Variants in NEDD4 observed in about 807,000 individuals in gnomAD.
NEDD4 encodes the protein NEDD4 E3 ubiquitin protein ligase.
A neutral mutation model predicts 144.9 loss-of-function variants in NEDD4; 99 were observed. That is an observed-to-expected ratio of 0.68 (90% CI 0.58 to 0.81). The LOEUF (loss-of-function observed/expected upper bound fraction) is 0.81. Ranked by LOEUF, NEDD4 falls within the 30% of genes least tolerant of loss-of-function variation. The pLI is 0.00. For synonymous variants in NEDD4, 318 were observed against 350.6 expected (o/e 0.91, Z 1.04); for missense variants, 985 against 1,065.9 (o/e 0.92, Z 1.06).
At position 55,838,590 on chromosome 15, in the gene NEDD4, G is replaced by T; in HGVS notation, c.2046C>A (p.Tyr682Ter). ...HDMESVDSEY[Y>*]NSLRWILEND... ...TTTCAAGAATCCATCTTAGGGAATT[G>T]TAATATTCACTATCCTAGATGGGAA... The change falls in exon 22 of 29, where the codon TAC (tyrosine) becomes TAA (stop). Residue 682 changes from tyrosine to a stop codon, truncating the protein, a stop_gained. Transcript: ENST00000435532. LOFTEE classifies it high-confidence loss of function. 1 of 1,607,630 alleles carries T rather than the reference G, an allele frequency of 6.2e-7. No homozygotes were observed. Among genetic ancestry groups the T allele is most frequent in the Non-Finnish European group, 8.5e-7 (1 of 1,174,918 alleles).
intron 5 of NEDD4, among the ~76,000 whole-genome samples, chr15:55,910,063 G>A (rs1247447007): frequency 6.6e-6 from 1 of 152,106 alleles, no homozygotes; most frequent in Non-Finnish European, 1.5e-5. Flanking sequence ...AAGAACGTAA[G>A]ACTGTAACCT....
At chr15:55,854,048 G>A (rs555103563) in intron 12 of NEDD4, among the ~76,000 whole-genome samples, 117 of 152,208 alleles carry the variant, frequency 7.7e-4, no homozygotes, top group African/African-American at 2.6e-3. Context: ...CTACTCGGGA[G>A]GCTGAAGCAG....
chr15:55,958,983 A>AT (rs373175029), intron 2 of NEDD4, among the ~76,000 whole-genome samples: 1 of 149,986 alleles, frequency 6.7e-6, no homozygotes, highest in Admixed American at 6.7e-5. Flanking sequence ...GATTACAATA[A>AT]TTTTTTTTCT....
At chr15:55,859,777 G>C (rs1177349647) in intron 11 of NEDD4, among the ~76,000 whole-genome samples, 1 of 152,128 alleles carries the variant, frequency 6.6e-6, no homozygotes, top group Non-Finnish European at 1.5e-5. Context: ...TCCAAGAGCT[G>C]GCCTGGCACT....
intron 4 of NEDD4, among the ~76,000 whole-genome samples, chr15:55,925,989 T>A (rs1190928534): frequency 1.3e-5 from 2 of 151,968 alleles, no homozygotes; most frequent in African/African-American, 4.8e-5. Context: ...CATATACATA[T>A]GTATCATATA....
chr15:55,925,942 T>C (rs1352540626), intron 4 of NEDD4, among the ~76,000 whole-genome samples: 2 of 152,028 alleles, frequency 1.3e-5, no homozygotes, highest in Non-Finnish European at 2.9e-5. Context: ...TTTTTACATA[T>C]ACATACTGTA....
chr15:55,963,128 CTTTTTTATT>C (rs1213992771), intron 2 of NEDD4, among the ~76,000 whole-genome samples: 1 of 142,656 alleles, frequency 7.0e-6, no homozygotes, highest in Non-Finnish European at 1.5e-5. Context: ...TTCTGGCACT[CTTTTTTATT>C]TTTTTTTTTT....
At chr15:55,955,499 C>T (rs8031446) in intron 2 of NEDD4, among the ~76,000 whole-genome samples, 2,962 of 152,222 alleles carry the variant, frequency 0.019, 111 homozygotes, top group African/African-American at 0.068. Context: ...AACACAGCAA[C>T]CAGCATTCCA....
intron 5 of NEDD4, among the ~76,000 whole-genome samples, chr15:55,893,227 A>G (rs951993521): frequency 6.6e-6 from 1 of 152,158 alleles, no homozygotes. Context: ...AATCATTGTT[A>G]ATAACAACTG....
At chr15:55,941,554 C>G (rs2037004750) in intron 4 of NEDD4, among the ~76,000 whole-genome samples, 2 of 151,602 alleles carry the variant, frequency 1.3e-5, no homozygotes, top group African/African-American at 4.9e-5. Context: ...AGAGAACATA[C>G]CCTGTTAAAT....
intron 4 of NEDD4, among the ~76,000 whole-genome samples, chr15:55,943,061 T>G (rs542395493): frequency 5.3e-5 from 8 of 152,178 alleles, no homozygotes; most frequent in Non-Finnish European, 8.8e-5. Flanking sequence ...AAAGAGATGA[T>G]TTACGGTATC....
intron 8 of NEDD4, among the ~76,000 whole-genome samples, chr15:55,864,549 C>G (rs1397111335): frequency 6.6e-6 from 1 of 151,546 alleles, no homozygotes; most frequent in Non-Finnish European, 1.5e-5. Context: ...GGTGTGGTGG[C>G]GCATGCCTGT....
intron 5 of NEDD4, among the ~76,000 whole-genome samples, chr15:55,893,098 GA>G (rs1175336285): frequency 6.6e-6 from 1 of 152,154 alleles, no homozygotes; most frequent in Non-Finnish European, 1.5e-5. Flanking sequence ...GGATGCTACA[GA>G]AGGAAATACT....
chr15:55,861,081 T>C (rs1289301204), intron 9 of NEDD4, among the ~76,000 whole-genome samples: 5 of 152,236 alleles, frequency 3.3e-5, no homozygotes, highest in Non-Finnish European at 7.3e-5. Flanking sequence ...ATTTGTTGAA[T>C]GAATAAATAT....
chr15:55,841,660 C>T (rs1055563630), intron 19 of NEDD4, among the ~76,000 whole-genome samples: 38 of 152,074 alleles, frequency 2.5e-4, no homozygotes, highest in African/African-American at 8.0e-4. Flanking sequence ...TCGGCTCCGC[C>T]TTCCGGGTTC....
chr15:55,986,658 T>G (rs1348548612), intron 1 of NEDD4, among the ~76,000 whole-genome samples: 1 of 145,874 alleles, frequency 6.9e-6, no homozygotes, highest in African/African-American at 2.6e-5. Flanking sequence ...GGCATGATCT[T>G]GACTCATTGC....
intron 1 of NEDD4, among the ~76,000 whole-genome samples, chr15:55,979,070 T>A (rs1001508124): frequency 4.0e-5 from 6 of 151,462 alleles, no homozygotes; most frequent in African/African-American, 7.3e-5. Context: ...TTTTTAAAAA[T>A]ATATATATAT....
chr15:55,851,758 T>G (rs546626589), intron 13 of NEDD4, among the ~76,000 whole-genome samples: 69 of 152,226 alleles, frequency 4.5e-4, no homozygotes, highest in African/African-American at 1.6e-3. Context: ...ATTATAGGCA[T>G]GAGCCACCTT....
Position 55,841,966 on chromosome 15 carries a change from G to T in NEDD4, c.1806C>A (p.Asn602Lys), listed in dbSNP as rs758565837. 1.9e-6 allele frequency: 3 copies of T among 1,613,848 alleles called. No individual in the cohort carries two copies. The African/African-American group carries it at 4.0e-5, about 22-fold the overall frequency. ...AATATTCAAACAACCCATAATAAGG[G>T]TTAAACATTTCCTTTGAGATCAGGA... is the stretch of plus-strand genomic sequence containing the variant. ...WFFLISKEMF[N>K]PYYGLFEYSA... Residue 602 changes from asparagine (N) to lysine (K), a missense_variant, in exon 19 of 29, where the codon AAC becomes AAA. Physicochemically the swap from Asn to Lys is moderately conservative, Grantham distance 94. Coordinates refer to ENST00000435532, the MANE Select transcript of NEDD4 (RefSeq NM_006154.4).
Sources: gnomAD v4.1 joint callset for allele counts (sites outside exome capture counted in the v4.1 genomes callset) on GRCh38, gnomAD v4.1.1 for gene constraint, MANE v1.5 for transcripts, NCBI Gene and HGNC (gene_info 2026-07-23, HGNC 2026-07-21) for gene names.